Variants in EPB41L3 observed in about 807,000 individuals in gnomAD.
EPB41L3 encodes erythrocyte membrane protein band 4.1 like 3.
A neutral mutation model predicts 127.1 loss-of-function variants in EPB41L3; 57 were observed. The ratio of observed to expected loss-of-function variants is 0.45; its 90% confidence interval spans 0.36 to 0.56. EPB41L3 has a LOEUF of 0.56. EPB41L3 is among the 20% of genes least tolerant of loss of function. EPB41L3 has a pLI of 0.00. For synonymous variants in EPB41L3, 572 were observed against 549.5 expected (o/e 1.04, Z -0.57); for missense variants, 1,273 against 1,372.2 (o/e 0.93, Z 1.14).
rs201356819 is a variant in EPB41L3 at position 5,445,239 on chromosome 18, G to T, written c.387C>A (p.Arg129=). The change falls in exon 4 of 23, where the codon CGC becomes CGA. Residue 129 remains arginine, a synonymous_variant. Coordinates refer to ENST00000341928, the MANE Select transcript of EPB41L3 (RefSeq NM_012307.5). ...GSEYTCDVEK[R]SRGQVLFDKV... ...TATCAAACAGCACTTGTCCTCTGGA[G>T]CGTTTCTACAGAAAACAGAATAGCA... The T allele has an allele frequency of 1.7e-5, 28 of 1,613,416 alleles. No individual in the cohort carries two copies. The East Asian group carries it at 5.8e-4, about 33-fold the overall frequency.
intron 3 of EPB41L3, among the ~76,000 whole-genome samples, chr18:5,574,164 T>C (rs920479999): frequency 3.9e-5 from 6 of 152,134 alleles, no homozygotes; most frequent in Admixed American, 3.9e-4. Context: ...TCTATTTCTC[T>C]AATCATATAA....
At position 5,406,872 on chromosome 18, in the gene EPB41L3, T is replaced by C; in HGVS notation, c.2254A>G (p.Thr752Ala). 1 of 1,614,204 alleles carries C rather than the reference T, an allele frequency of 6.2e-7. No homozygotes were observed. Among genetic ancestry groups the C allele is most frequent in the Non-Finnish European group, 8.5e-7 (1 of 1,180,016 alleles). Residue 752 changes from threonine (T) to alanine (A), a missense_variant, in exon 16 of 23, where the codon ACG (threonine) becomes GCG (alanine). This residue lies in a region of EPB41L3 where 765 missense variants were observed against 782.9 expected (regional missense o/e 0.98). Coordinates refer to ENST00000341928, the MANE Select transcript of EPB41L3 (RefSeq NM_012307.5). Reference protein sequence around the residue: ...FLETSTDTAVTNEWEKRLSTS... With the variant: ...FLETSTDTAVANEWEKRLSTS... Reference sequence around the variant, plus strand: ...GAAAGCCTCTTCTCCCATTCATTCGTTACGGCAGTGTCTGTTGAGGTTTCT... The same window carrying C: ...GAAAGCCTCTTCTCCCATTCATTCGCTACGGCAGTGTCTGTTGAGGTTTCT...
intron 1 of EPB41L3, among the ~76,000 whole-genome samples, chr18:5,514,561 T>C (rs1187558509): frequency 1.3e-5 from 2 of 152,136 alleles, no homozygotes; most frequent in Non-Finnish European, 2.9e-5. Context: ...CTTACGCACA[T>C]TGGATACTAA....
intron 13 of EPB41L3, among the ~76,000 whole-genome samples, chr18:5,415,106 T>C (rs2076640728): frequency 6.6e-6 from 1 of 152,250 alleles, no homozygotes; most frequent in South Asian, 2.1e-4. Context: ...GCCTTTACAT[T>C]GTTTGAAAAC....
At chr18:5,539,822 T>C (rs2093672854) in intron 1 of EPB41L3, 1 of 152,216 alleles carries the variant, frequency 6.6e-6, no homozygotes, top group South Asian at 2.1e-4. Flanking sequence ...GAATTCTAAA[T>C]TAGGATTAAA....
upstream of EPB41L3, among the ~76,000 whole-genome samples, chr18:5,546,472 G>T (rs535621120): frequency 2.0e-3 from 298 of 151,780 alleles, no homozygotes; most frequent in African/African-American, 7.0e-3. Context: ...AGAGGTTGCA[G>T]TGAGCCGAGA....
chr18:5,409,720 A>AAC (rs2075960637), intron 14 of EPB41L3, among the ~76,000 whole-genome samples: 1 of 151,372 alleles, frequency 6.6e-6, no homozygotes, highest in Admixed American at 6.6e-5. Flanking sequence ...TGCAAAAAAA[A>AAC]ACATATAAAC....
At chr18:5,593,062 G>A (rs1240933401) in intron 3 of EPB41L3, among the ~76,000 whole-genome samples, 1 of 152,140 alleles carries the variant, frequency 6.6e-6, no homozygotes, top group African/African-American at 2.4e-5. Context: ...GGCCCAATCT[G>A]CAGAGATACT....
intron 1 of EPB41L3, among the ~76,000 whole-genome samples, chr18:5,511,715 G>C (rs1366004924): frequency 6.6e-6 from 1 of 151,248 alleles, no homozygotes; most frequent in African/African-American, 2.4e-5. Context: ...GATCCCCAGT[G>C]CTTAGTTCCT....
At chr18:5,629,855 C>G (rs1268623729), upstream of EPB41L3, among the ~76,000 whole-genome samples, 1 of 152,186 alleles carries the variant, frequency 6.6e-6, no homozygotes, top group Non-Finnish European at 1.5e-5. Flanking sequence ...GGAGTGACAG[C>G]AGCAACTAGC....
intron 16 of EPB41L3, chr18:5,398,369 T>C (rs1014708406): frequency 1.8e-6 from 1 of 559,140 alleles, no homozygotes; most frequent in Non-Finnish European, 3.1e-6. Flanking sequence ...GTGGCGCCGA[T>C]TTAAGCAGAT....
chr18:5,421,014 A>G (rs1053799806), intron 11 of EPB41L3, among the ~76,000 whole-genome samples: 6 of 152,206 alleles, frequency 3.9e-5, no homozygotes, highest in Admixed American at 3.9e-4. Context: ...TCTCTGTGAG[A>G]TGCAACCTTG....
chr18:5,513,583 A>G (rs925687897), intron 1 of EPB41L3, among the ~76,000 whole-genome samples: 2 of 152,194 alleles, frequency 1.3e-5, no homozygotes, highest in African/African-American at 4.8e-5. Context: ...CAGTCACACT[A>G]CTTGGGCTCA....
Position 5,415,962 on chromosome 18 carries a change from G to A in EPB41L3, c.1923C>T (p.Phe641=). The A allele has an allele frequency of 1.2e-6, 2 of 1,614,140 alleles. No individual in the cohort carries two copies. Among genetic ancestry groups the A allele is most frequent in the Non-Finnish European group, 1.7e-6 (2 of 1,180,028 alleles). The part of the protein sequence containing the change: ...SLVPCFLFIF[F]FLLSASFSVP... Reference sequence around the variant, plus strand: ...CTGAGAAGGAGGCAGACAGCAGAAAGAAAAAGATGAAGAGGAAACAGGGCA... The same window carrying A: ...CTGAGAAGGAGGCAGACAGCAGAAAAAAAAAGATGAAGAGGAAACAGGGCA... Residue 641 remains phenylalanine, a synonymous_variant, in exon 13 of 23, where the codon TTC becomes TTT. Transcript: ENST00000341928.
chr18:5,571,813 T>TC (rs58924396), intron 3 of EPB41L3, among the ~76,000 whole-genome samples: 6,691 of 152,266 alleles, frequency 0.044, 475 homozygotes, highest in East Asian at 0.3. Context: ...AACACTGCAC[T>TC]CCAAGTTTCA....
At chr18:5,541,252 CAAAAAAA>C (rs370717420) in intron 1 of EPB41L3, among the ~76,000 whole-genome samples, 49 of 46,758 alleles carry the variant, frequency 1.0e-3, no homozygotes, top group Admixed American at 3.5e-3. Flanking sequence ...GACTCCATCT[CAAAAAAA>C]AAAAAAAAAA....
intron 15 of EPB41L3, chr18:5,407,177 C>A: frequency 1.7e-6 from 1 of 574,248 alleles, no homozygotes; most frequent in East Asian, 2.8e-5. Context: ...CTAGTTCACA[C>A]AAACATGGAT....
intron 3 of EPB41L3, among the ~76,000 whole-genome samples, chr18:5,611,240 T>C (rs904055577): frequency 1.3e-5 from 2 of 152,346 alleles, no homozygotes; most frequent in African/African-American, 4.8e-5. Context: ...AGGCAGAAAC[T>C]ACACGTGTCC....
chr18:5,416,220 G>A lies in EPB41L3; in HGVS notation c.1665C>T (p.Ala555=). The A allele has an allele frequency of 6.2e-7, 1 of 1,614,166 alleles. No individual in the cohort carries two copies. The highest frequency in any genetic ancestry group is 8.5e-7 in the Non-Finnish European group (1 of 1,180,034). The change falls in exon 13 of 23, where the codon GCC becomes GCT. Residue 555 remains alanine (A), a synonymous_variant. Transcript: ENST00000341928. ...SRAEHLPGEP[A]LDSDGPGRPY... is the part of the protein sequence containing the mutation. The stretch of plus-strand genomic sequence containing the variant: ...GCCTCCCTGGGCCATCAGAGTCCAA[G>A]GCGGGCTCTCCAGGCAGGTGCTCAG...
Sources: allele counts gnomAD v4.1 joint callset (sites outside exome capture counted in the v4.1 genomes callset), GRCh38; gene constraint gnomAD v4.1.1; regional missense constraint gnomAD v4.1.1; transcripts MANE v1.5; gene names NCBI Gene and HGNC (gene_info 2026-07-23, HGNC 2026-07-21).